The following SAMSN1 variants were observed in gnomAD, a reference collection of about 807,000 sequenced individuals.
SAMSN1 encodes SAM domain-containing protein SAMSN-1.
In SAMSN1, 31 loss-of-function variants were observed where a neutral mutation model predicts 42.0. The observed-to-expected ratio is 0.74, with a 90% CI of 0.55 to 1.00. The LOEUF is 1.00. Ranked by LOEUF, SAMSN1 falls within the 50% of genes least tolerant of loss-of-function variation. The probability of loss-of-function intolerance (pLI) is 0.00; values close to 1 mark genes in which losing one functional copy is unlikely to be tolerated. For synonymous variants in SAMSN1, 178 were observed against 151.9 expected, an observed-to-expected ratio of 1.17 and a Z score of -1.26; for missense variants, 464 against 439.4, an observed-to-expected ratio of 1.06 and a Z score of -0.50.
chr21:14,538,782 T>C (rs990965952), intron 1 of SAMSN1, among the ~76,000 whole-genome samples: 11 of 152,188 alleles, frequency 7.2e-5, no homozygotes, highest in African/African-American at 2.7e-4. Flanking sequence ...ACTTCAGTCA[T>C]TGCTAGTGAA....
chr21:14,553,554 G>A (rs1284941646), intron 2 of SAMSN1, among the ~76,000 whole-genome samples: 1 of 152,086 alleles, frequency 6.6e-6, no homozygotes, highest in African/African-American at 2.4e-5. Context: ...TCTGGTCTAA[G>A]TCTCACATCA....
chr21:14,555,441 A>G (rs1221873427), intron 2 of SAMSN1, among the ~76,000 whole-genome samples: 1 of 152,140 alleles, frequency 6.6e-6, no homozygotes, highest in African/African-American at 2.4e-5. Flanking sequence ...GGACATATTT[A>G]TCTTATTTGC....
At position 14,498,785 on chromosome 21, in the gene SAMSN1, C is replaced by T. The variant is rs190182804; in HGVS notation, c.769-193G>A. Among the ~76,000 whole-genome samples, 106 of 152,280 alleles carry T rather than the reference C, an allele frequency of 7.0e-4. 1 individual carries two copies. Among genetic ancestry groups the T allele is most frequent in the African/African-American group, 2.3e-3 (97 of 41,552 alleles). On this transcript the variant is annotated intron_variant, in intron 6 of 7. Coordinates refer to ENST00000400566, the MANE Select transcript of SAMSN1 (RefSeq NM_022136.5). Reference sequence around the variant, plus strand: ...TTAAATGATTATGTTGTATAATTCTCGCCTTTTGGAAGGCCAAATGTAAAG... The same window carrying T: ...TTAAATGATTATGTTGTATAATTCTTGCCTTTTGGAAGGCCAAATGTAAAG...
intron 1 of SAMSN1, among the ~76,000 whole-genome samples, chr21:14,529,897 T>G (rs1002461892): frequency 2.6e-5 from 4 of 152,222 alleles, no homozygotes; most frequent in African/African-American, 7.2e-5. Context: ...TACAGAATGA[T>G]ACACTAAAAT....
At chr21:14,602,758 A>G (rs1355469577) in intron 5 of SAMSN1, among the ~76,000 whole-genome samples, 1 of 152,154 alleles carries the variant, frequency 6.6e-6, no homozygotes. Flanking sequence ...AGTGCAACCC[A>G]ACATCACCTG....
chr21:14,632,511 GTATTTGTATAAT>G (rs1213796998), intron 2 of SAMSN1, among the ~76,000 whole-genome samples: 2 of 151,764 alleles, frequency 1.3e-5, no homozygotes, highest in Admixed American at 6.6e-5. Flanking sequence ...TTGCATAATT[GTATTTGTATAAT>G]TATTTGTATA....
intron 7 of SAMSN1, among the ~76,000 whole-genome samples, chr21:14,489,936 A>G (rs1258994156): frequency 1.3e-5 from 2 of 152,186 alleles, no homozygotes; most frequent in Admixed American, 6.5e-5. Context: ...TCTCAATTAT[A>G]CTAAAAGTGA....
At chr21:14,495,608 G>A (rs1986885550) in intron 7 of SAMSN1, 1 of 152,028 alleles carries the variant, frequency 6.6e-6, no homozygotes, top group African/African-American at 2.4e-5. Context: ...CTTACTGGCT[G>A]TCATTAAGTA....
intron 5 of SAMSN1, among the ~76,000 whole-genome samples, chr21:14,506,226 G>A (rs185866641): frequency 2.6e-5 from 4 of 152,044 alleles, no homozygotes; most frequent in Non-Finnish European, 4.4e-5. Flanking sequence ...ACCAAGGTCA[G>A]AGCAGAATTA....
intron 5 of SAMSN1, chr21:14,609,408 G>A (rs752480595): frequency 8.5e-6 from 6 of 708,044 alleles, no homozygotes; most frequent in Middle Eastern, 2.3e-4. Flanking sequence ...GGTGGAAGAT[G>A]TGAATTTTTC....
intron 2 of SAMSN1, among the ~76,000 whole-genome samples, chr21:14,642,809 A>G (rs1468346979): frequency 1.3e-5 from 2 of 152,226 alleles, no homozygotes; most frequent in East Asian, 3.8e-4. Context: ...TGCACATTCA[A>G]TAAATGGTGG....
intron 2 of SAMSN1, among the ~76,000 whole-genome samples, chr21:14,519,261 T>C (rs1988048801): frequency 6.6e-6 from 1 of 152,170 alleles, no homozygotes; most frequent in African/African-American, 2.4e-5. Flanking sequence ...GAATGAGTGC[T>C]GGATTGTTGA....
At chr21:14,507,968 T>C (rs930284317) in intron 5 of SAMSN1, among the ~76,000 whole-genome samples, 1 of 152,104 alleles carries the variant, frequency 6.6e-6, no homozygotes, top group Non-Finnish European at 1.5e-5. Context: ...AGGACACCCT[T>C]TTCAACAAAT....
intron 2 of SAMSN1, among the ~76,000 whole-genome samples, chr21:14,636,944 T>C (rs1168621098): frequency 6.6e-6 from 1 of 152,220 alleles, no homozygotes; most frequent in African/African-American, 2.4e-5. Flanking sequence ...TTTCAAAAAG[T>C]TTATAACTAA....
chr21:14,587,074 TG>T (rs1182240098), upstream of SAMSN1, among the ~76,000 whole-genome samples: 5 of 152,198 alleles, frequency 3.3e-5, no homozygotes, highest in African/African-American at 1.2e-4. Flanking sequence ...TGATACAACT[TG>T]GTTTACAGTT....
chr21:14,658,737 A>G (rs1327401925), intron 1 of SAMSN1: 1 of 715,432 alleles, frequency 1.4e-6, no homozygotes, highest in Admixed American at 2.0e-5. Context: ...GCTGCAAATA[A>G]AGGAACTTAC....
chr21:14,594,222 A>G, intron 6 of SAMSN1: 1 of 589,042 alleles, frequency 1.7e-6, no homozygotes, highest in East Asian at 2.8e-5. Flanking sequence ...ATCAAAGTAC[A>G]CTGATTAATG....
intron 7 of SAMSN1, among the ~76,000 whole-genome samples, chr21:14,496,688 C>T (rs1600860571): frequency 6.6e-6 from 1 of 152,186 alleles, no homozygotes; most frequent in African/African-American, 2.4e-5. Context: ...AGATTGGCTA[C>T]TTTCTGAAGC....
rs577207259 is a variant in SAMSN1, at chr21:14,639,477, C to T, written c.156+3525G>A. Among the ~76,000 whole-genome samples the T allele has an allele frequency of 9.2e-5, 14 of 152,276 alleles. No individual in the cohort carries two copies. The East Asian group carries it at 9.6e-4, about 10-fold the overall frequency. ...GATTACAAACTCACTCTCATGATAA[C>T]GACATTAATCCATTTGTAAGATTAG... is the stretch of plus-strand genomic sequence containing the variant. On this transcript the variant is annotated intron_variant, in intron 2 of 15. Transcript: ENST00000647101.
Sources: allele counts gnomAD v4.1 joint callset (sites outside exome capture counted in the v4.1 genomes callset), GRCh38; gene constraint gnomAD v4.1.1; transcripts MANE v1.5; gene names NCBI Gene and HGNC (gene_info 2026-07-23, HGNC 2026-07-21).